Variants in GPR39 observed in about 807,000 individuals in gnomAD.
GPR39 encodes the protein G protein-coupled receptor 39.
In GPR39, 23 loss-of-function variants were observed where a neutral mutation model predicts 18.4. That is an observed-to-expected ratio of 1.25 (90% CI 0.90 to 1.77). GPR39 has a LOEUF of 1.77. GPR39 is among the 40% of genes most tolerant of loss of function. The pLI, the probability that GPR39 is intolerant of heterozygous loss-of-function variation, is 0.00. For missense variants in GPR39, 647 were observed against 602.4 expected (o/e 1.07, Z -0.78); for synonymous variants, 280 against 257.9 (o/e 1.09, Z -0.82).
chr2:132,463,201 TA>T (rs1477012488), intron 1 of GPR39, among the ~76,000 whole-genome samples: 1 of 152,128 alleles, frequency 6.6e-6, no homozygotes, highest in Non-Finnish European at 1.5e-5. Context: ...AACTGAAAGG[TA>T]GTTATGACTG....
chr2:132,507,696 C>T (rs1679160515), intron 1 of GPR39, among the ~76,000 whole-genome samples: 2 of 152,184 alleles, frequency 1.3e-5, no homozygotes, highest in African/African-American at 4.8e-5. Flanking sequence ...CCGCCCATAC[C>T]TCTGACAAAC....
At chr2:132,509,482 G>A (rs577451649) in intron 1 of GPR39, among the ~76,000 whole-genome samples, 2 of 151,594 alleles carry the variant, frequency 1.3e-5, no homozygotes, top group South Asian at 2.1e-4. Context: ...CTCACTCTCC[G>A]GTTGCTCCTT....
chr2:132,609,832 T>A (rs933219421), intron 1 of GPR39, among the ~76,000 whole-genome samples: 4 of 152,170 alleles, frequency 2.6e-5, no homozygotes, highest in African/African-American at 9.7e-5. Flanking sequence ...CCCTTCAACC[T>A]GGTGTCAGAG....
intron 1 of GPR39, among the ~76,000 whole-genome samples, chr2:132,464,535 A>T (rs1025184562): frequency 6.6e-6 from 1 of 152,206 alleles, no homozygotes; most frequent in African/African-American, 2.4e-5. Flanking sequence ...AGAAGCCCAC[A>T]TTAAAAACCT....
At chr2:132,514,352 A>T (rs1352705300) in intron 1 of GPR39, among the ~76,000 whole-genome samples, 1 of 152,026 alleles carries the variant, frequency 6.6e-6, no homozygotes, top group Admixed American at 6.5e-5. Context: ...GCCACTGTAC[A>T]CCCTCACCAT....
intron 1 of GPR39, among the ~76,000 whole-genome samples, chr2:132,541,350 C>T (rs1023826987): frequency 2.0e-5 from 3 of 152,154 alleles, no homozygotes; most frequent in African/African-American, 7.2e-5. Flanking sequence ...TCCCAAAGTG[C>T]TGAGATTACA....
At chr2:132,483,406 C>T (rs545887348) in intron 1 of GPR39, among the ~76,000 whole-genome samples, 3 of 152,202 alleles carry the variant, frequency 2.0e-5, no homozygotes, top group Middle Eastern at 3.2e-3. Flanking sequence ...GTGCATGGCA[C>T]GAATGTTGGG....
chr2:132,646,451 T>TGAAAGA lies in GPR39; in HGVS notation c.*848_*853dup. 2.4e-6 allele frequency: 1 copy of TGAAAGA among 416,468 alleles called. No individual in the cohort carries two copies. Among genetic ancestry groups the TGAAAGA allele is most frequent in the Non-Finnish European group, 4.2e-6 (1 of 236,414 alleles). 25.8% of individuals were successfully genotyped at this position (416,468 alleles called of 1,614,324 possible). Reference sequence around the variant, plus strand: ...TCTCATTGATATTCAAGATAGATGGTGAAAGAGACAGGCACTATTTCATTA... The same window carrying TGAAAGA: ...TCTCATTGATATTCAAGATAGATGGTGAAAGAGAAAGAGACAGGCACTATTTCATTA... On this transcript the variant is annotated 3_prime_UTR_variant, in exon 2 of 2. Transcript: ENST00000329321.
In GPR39 at chr2:132,646,357, A is replaced by C; in HGVS notation, c.*751A>C. 5 of 985,330 alleles carry C rather than the reference A, an allele frequency of 5.1e-6. No homozygotes were observed. Among genetic ancestry groups the C allele is most frequent in the Non-Finnish European group, 7.0e-6 (5 of 715,032 alleles). The allele number at this position is 985,330 out of a possible 1,614,324, so 61.0% of individuals were successfully genotyped here. ...GCTGTCCCTCTCAGCCCAAATCCAA[A>C]CGGACAGCTCTTCCTTACTCCTCCC... On this transcript the variant is annotated 3_prime_UTR_variant, in exon 2 of 2. Transcript: ENST00000329321.
intron 1 of GPR39, among the ~76,000 whole-genome samples, chr2:132,595,764 C>T (rs1322113550): frequency 2.0e-5 from 3 of 152,082 alleles, no homozygotes; most frequent in African/African-American, 7.2e-5. Flanking sequence ...CCTGCCAAGC[C>T]CCTGTGTCAT....
At chr2:132,461,957 G>C (rs953627241) in intron 1 of GPR39, among the ~76,000 whole-genome samples, 7 of 152,178 alleles carry the variant, frequency 4.6e-5, no homozygotes, top group Non-Finnish European at 1.0e-4. Context: ...TCTTCCATCA[G>C]TGGGCCATAT....
intron 1 of GPR39, among the ~76,000 whole-genome samples, chr2:132,452,560 G>A (rs1213364587): frequency 6.6e-6 from 1 of 152,016 alleles, no homozygotes; most frequent in Non-Finnish European, 1.5e-5. Context: ...CATGTGCCAT[G>A]TTGGTTTGCT....
At chr2:132,433,165 T>C (rs184324753) in intron 1 of GPR39, among the ~76,000 whole-genome samples, 3 of 152,312 alleles carry the variant, frequency 2.0e-5, no homozygotes, top group Admixed American at 2.0e-4. Flanking sequence ...TCATAAAATA[T>C]ACACAAATCT....
At position 132,541,034 on chromosome 2, in the gene GPR39, C is replaced by A. The variant is rs1318877814; in HGVS notation, c.857-104067C>A. On this transcript the variant is annotated intron_variant, in intron 1 of 1. Transcript: ENST00000329321. ...CTCTCATCTTGCCCAGGTTCCCTTT[C>A]CCTCTGGGAACTGAGGCCAGGTAAG... Among the ~76,000 whole-genome samples the A allele has an allele frequency of 1.3e-5, 2 of 152,008 alleles. 1 individual carries two copies. The highest frequency in any genetic ancestry group is 1.3e-4 in the Admixed American group (2 of 15,250).
chr2:132,459,332 A>G (rs1460542154), intron 1 of GPR39, among the ~76,000 whole-genome samples: 5 of 152,300 alleles, frequency 3.3e-5, no homozygotes, highest in South Asian at 2.1e-4. Context: ...TTCTTCATTA[A>G]TAGAAAGCCT....
chr2:132,646,078 G>C lies in GPR39; in HGVS notation c.*472G>C. The C allele has an allele frequency of 1.3e-6, 2 of 1,598,702 alleles. No homozygotes were observed. The highest frequency in any genetic ancestry group is 4.5e-5 in the East Asian group (2 of 44,160). On this transcript the variant is annotated 3_prime_UTR_variant, in exon 2 of 2. Transcript: ENST00000329321. ...GTGCCGAGAAGAGGGCTAATTTGAG[G>C]AACAGGATGGTGGTGCGGAGCCCTG...
At chr2:132,637,598 G>A (rs1298925216) in intron 1 of GPR39, among the ~76,000 whole-genome samples, 2 of 152,184 alleles carry the variant, frequency 1.3e-5, no homozygotes, top group Non-Finnish European at 2.9e-5. Flanking sequence ...TAGGAAAAAG[G>A]GCAAGAAGGA....
At chr2:132,516,729 T>C (rs1679341650) in intron 1 of GPR39, among the ~76,000 whole-genome samples, 1 of 152,142 alleles carries the variant, frequency 6.6e-6, no homozygotes, top group Non-Finnish European at 1.5e-5. Flanking sequence ...TCTTCCTTCT[T>C]CCACTGGCCT....
In GPR39 at chr2:132,547,172, C is replaced by T. The variant is rs138081572; in HGVS notation, c.857-97929C>T. On this transcript the variant is annotated intron_variant, in intron 1 of 1. Coordinates refer to ENST00000329321, the MANE Select transcript of GPR39 (RefSeq NM_001508.3). ...GATGGAATGGTCTCCTAACAGAGTC[C>T]TTTGAGGGGAGTGATATTTCAGGTG... is the stretch of plus-strand genomic sequence containing the variant. Among the ~76,000 whole-genome samples the T allele has an allele frequency of 3.7e-3, 565 of 152,148 alleles. 2 individuals are homozygous for T. Among genetic ancestry groups the T allele is most frequent in the African/African-American group, 0.013 (541 of 41,494 alleles).
Sources: allele counts gnomAD v4.1 joint callset (sites outside exome capture counted in the v4.1 genomes callset), GRCh38; gene constraint gnomAD v4.1.1; transcripts MANE v1.5; gene names NCBI Gene and HGNC (gene_info 2026-07-23, HGNC 2026-07-21).